Variants in MGMT observed in about 807,000 individuals in gnomAD.
MGMT encodes the protein O-6-methylguanine-DNA methyltransferase.
Under a neutral mutation model 15.9 loss-of-function variants are expected in MGMT, and 14 were observed. That is an observed-to-expected ratio of 0.88 (90% CI 0.58 to 1.37). The LOEUF is 1.37. Ranked by LOEUF, MGMT falls within the 40% of genes most tolerant of loss-of-function variation. The probability of loss-of-function intolerance (pLI) is 0.00; values close to 1 mark genes in which losing one functional copy is unlikely to be tolerated. For missense variants in MGMT, 282 were observed against 268.1 expected (o/e 1.05, Z -0.36); for synonymous variants, 130 against 118.2 (o/e 1.10, Z -0.65).
At chr10:129,538,629 G>A (rs1846011031) in intron 2 of MGMT, among the ~76,000 whole-genome samples, 1 of 151,702 alleles carries the variant, frequency 6.6e-6, no homozygotes, top group Admixed American at 6.6e-5. Context: ...CAAGTCTTTT[G>A]CCCATTTTTT....
At chr10:129,513,976 G>C (rs1366046081) in intron 1 of MGMT, among the ~76,000 whole-genome samples, 1 of 152,200 alleles carries the variant, frequency 6.6e-6, no homozygotes, top group Non-Finnish European at 1.5e-5. Flanking sequence ...AGAGTTTAAA[G>C]AAGTAGTTAA....
chr10:129,483,960 A>G (rs1271799870), intron 1 of MGMT, among the ~76,000 whole-genome samples: 1 of 152,148 alleles, frequency 6.6e-6, no homozygotes, highest in African/African-American at 2.4e-5. Context: ...TTTGTTTCAC[A>G]TATACCTTAT....
chr10:129,726,097 A>T (rs910911344), intron 3 of MGMT, among the ~76,000 whole-genome samples: 3 of 152,082 alleles, frequency 2.0e-5, no homozygotes, highest in Admixed American at 1.3e-4. Context: ...ATGAGGGACC[A>T]TGAGTAGCTT....
At chr10:129,539,132 C>CT (rs1846016603) in intron 2 of MGMT, among the ~76,000 whole-genome samples, 1 of 152,024 alleles carries the variant, frequency 6.6e-6, no homozygotes, top group South Asian at 2.1e-4. Flanking sequence ...GTCCATATGT[C>CT]TTTTTTTCCC....
rs1402424783 is a variant in MGMT, at chr10:129,736,507, C to T, written c.275-22695C>T. On this transcript the variant is annotated intron_variant, in intron 3 of 4. Coordinates refer to ENST00000651593, the MANE Select transcript of MGMT (RefSeq NM_002412.5). ...TACAGCACACTGATGGGTCTTGACT[C>T]TTTATCCAATTTGCCAGTCTGTGTC... 5.2e-3 allele frequency among the ~76,000 whole-genome samples: 765 copies of T among 147,260 alleles called. 6 individuals are homozygous for T. Among genetic ancestry groups the T allele is most frequent in the African/African-American group, 0.018 (743 of 40,866 alleles).
At chr10:129,705,885 CG>C (rs1406409938) in intron 2 of MGMT, among the ~76,000 whole-genome samples, 1 of 152,084 alleles carries the variant, frequency 6.6e-6, no homozygotes, top group Non-Finnish European at 1.5e-5. Context: ...AGAATCAGCA[CG>C]GGGCCAGGGC....
intron 3 of MGMT, among the ~76,000 whole-genome samples, chr10:129,750,337 T>C (rs2133178846): frequency 1.3e-5 from 2 of 152,300 alleles, no homozygotes; most frequent in Middle Eastern, 6.8e-3. Context: ...GATGTCTAAT[T>C]GTTCCAGGGC....
intron 3 of MGMT, among the ~76,000 whole-genome samples, chr10:129,736,845 C>G (rs1848568528): frequency 1.3e-5 from 2 of 152,118 alleles, no homozygotes; most frequent in Non-Finnish European, 2.9e-5. Context: ...ATATGAAATT[C>G]TGGGTTGAAA....
intron 2 of MGMT, among the ~76,000 whole-genome samples, chr10:129,611,885 A>G (rs180996457): frequency 1.3e-5 from 2 of 152,308 alleles, no homozygotes; most frequent in East Asian, 1.9e-4. Flanking sequence ...TCAGTTGTCA[A>G]TGGAAAGAGT....
intron 3 of MGMT, among the ~76,000 whole-genome samples, chr10:129,743,167 C>T (rs1467154735): frequency 2.6e-5 from 4 of 152,172 alleles, no homozygotes; most frequent in African/African-American, 4.8e-5. Context: ...TTTATCTCTA[C>T]CCAGCAAACT....
intron 3 of MGMT, among the ~76,000 whole-genome samples, chr10:129,757,884 A>G (rs980475871): frequency 6.6e-6 from 1 of 152,218 alleles, no homozygotes; most frequent in African/African-American, 2.4e-5. Context: ...CTTTGAATAG[A>G]AAGCAATTAA....
rs143766675 is a variant in MGMT at position 129,748,982 on chromosome 10, C to G, written c.275-10220C>G. Among the ~76,000 whole-genome samples, 676 of 152,280 alleles carry G rather than the reference C, an allele frequency of 4.4e-3. 22 individuals are homozygous for G. The highest frequency in any genetic ancestry group is 6.9e-4 in the Non-Finnish European group (47 of 68,016). The stretch of plus-strand genomic sequence containing the variant: ...ATGTACAGTTCCTTTTGCCTTTAGT[C>G]TTACAGACTCCACTCACTTTCAAGT... On this transcript the variant is annotated intron_variant, in intron 3 of 4. Transcript: ENST00000651593.
intron 2 of MGMT, among the ~76,000 whole-genome samples, chr10:129,658,528 T>C (rs187373687): frequency 2.5e-4 from 38 of 152,310 alleles, no homozygotes; most frequent in Admixed American, 2.4e-3. Context: ...AAAGTCCATG[T>C]TATTCCCATT....
intron 2 of MGMT, among the ~76,000 whole-genome samples, chr10:129,538,816 A>G (rs555391956): frequency 9.1e-4 from 138 of 152,198 alleles, no homozygotes; most frequent in Non-Finnish European, 1.7e-3. Context: ...TTGTATTTTT[A>G]GTAGAGACAG....
At chr10:129,558,493 G>A (rs756780741) in intron 2 of MGMT, among the ~76,000 whole-genome samples, 7 of 152,214 alleles carry the variant, frequency 4.6e-5, no homozygotes, top group Non-Finnish European at 7.3e-5. Flanking sequence ...CTGGTCCTCA[G>A]CGCCTCTGCC....
chr10:129,625,101 A>G (rs1219585581), intron 2 of MGMT, among the ~76,000 whole-genome samples: 3 of 152,244 alleles, frequency 2.0e-5, no homozygotes, highest in Admixed American at 6.5e-5. Context: ...CAAATATTCA[A>G]AGATAATGAG....
At chr10:129,649,537 C>G (rs1194312647) in intron 2 of MGMT, among the ~76,000 whole-genome samples, 1 of 152,182 alleles carries the variant, frequency 6.6e-6, no homozygotes, top group Non-Finnish European at 1.5e-5. Flanking sequence ...GCAGATAATT[C>G]TGCTTTATGG....
chr10:129,654,392 A>T (rs1485810060), intron 2 of MGMT, among the ~76,000 whole-genome samples: 1 of 152,084 alleles, frequency 6.6e-6, no homozygotes, highest in African/African-American at 2.4e-5. Context: ...CATGTCTTTG[A>T]AGCCTCTTGT....
intron 2 of MGMT, among the ~76,000 whole-genome samples, chr10:129,595,021 C>T (rs1846734963): frequency 6.6e-6 from 1 of 152,236 alleles, no homozygotes; most frequent in South Asian, 2.1e-4. Flanking sequence ...CCCCTGCCGT[C>T]TCTCGGGGCC....
Sources: allele counts gnomAD v4.1 joint callset (sites outside exome capture counted in the v4.1 genomes callset), GRCh38; gene constraint gnomAD v4.1.1; transcripts MANE v1.5; gene names NCBI Gene and HGNC (gene_info 2026-07-23, HGNC 2026-07-21).